PCDH15: variants seen among roughly 807,000 people sequenced by gnomAD.
The protein encoded by PCDH15 is protocadherin-15.
Under a neutral mutation model 178.5 loss-of-function variants are expected in PCDH15, and 129 were observed. The observed-to-expected ratio is 0.72, with a 90% CI of 0.63 to 0.84. The LOEUF is 0.84. Among genes scored for constraint, PCDH15 ranks in the 40% least tolerant of loss-of-function variants. PCDH15 has a pLI of 0.00. For missense variants in PCDH15, 2,230 were observed against 2,099.9 expected (o/e 1.06, Z -1.21); for synonymous variants, 800 against 732.0 (o/e 1.09, Z -1.50).
At chr10:53,912,835 A>G (rs1240081274) in intron 25 of PCDH15, among the ~76,000 whole-genome samples, 2 of 152,244 alleles carry the variant, frequency 1.3e-5, no homozygotes, top group Non-Finnish European at 2.9e-5. Flanking sequence ...ATGGATAGGA[A>G]GAATCAATAT....
At chr10:55,429,557 C>G (rs1352318945) in intron 2 of PCDH15, among the ~76,000 whole-genome samples, 1 of 152,062 alleles carries the variant, frequency 6.6e-6, no homozygotes, top group Non-Finnish European at 1.5e-5. Flanking sequence ...ATTTTCATAT[C>G]ATGAACAGAA....
intron 3 of PCDH15, among the ~76,000 whole-genome samples, chr10:54,408,968 C>G (rs565665776): frequency 9.2e-5 from 14 of 152,142 alleles, no homozygotes; most frequent in Non-Finnish European, 5.9e-5. Context: ...CCATAATTCC[C>G]TCATGTTGTG....
intron 2 of PCDH15, among the ~76,000 whole-genome samples, chr10:55,560,003 G>C (rs569238031): frequency 6.6e-6 from 1 of 151,902 alleles, no homozygotes; most frequent in Admixed American, 6.6e-5. Flanking sequence ...AACACTGTAG[G>C]CCATTAAGGA....
chr10:54,902,243 G>A (rs557222065), intron 2 of PCDH15, among the ~76,000 whole-genome samples: 38 of 152,214 alleles, frequency 2.5e-4, no homozygotes, highest in Admixed American at 3.9e-4. Context: ...GTGGATGCAC[G>A]TGTCACTATC....
chr10:55,362,791 C>T (rs1845261311), intron 2 of PCDH15, among the ~76,000 whole-genome samples: 1 of 152,102 alleles, frequency 6.6e-6, no homozygotes, highest in African/African-American at 2.4e-5. Context: ...TACTTCCTTG[C>T]TCCCCTTCCT....
chr10:55,408,278 C>T (rs979865930), intron 2 of PCDH15, among the ~76,000 whole-genome samples: 6 of 151,574 alleles, frequency 4.0e-5, no homozygotes, highest in Non-Finnish European at 8.8e-5. Context: ...CTCTGTCTCC[C>T]GGGTTCAAGC....
intron 2 of PCDH15, among the ~76,000 whole-genome samples, chr10:55,080,589 G>A (rs924948310): frequency 3.3e-5 from 5 of 152,096 alleles, no homozygotes; most frequent in African/African-American, 1.2e-4. Context: ...GGCTGCTGCA[G>A]TAATTGCAGC....
chr10:54,516,964 T>C (rs1589832341), intron 3 of PCDH15, among the ~76,000 whole-genome samples: 1 of 151,830 alleles, frequency 6.6e-6, no homozygotes, highest in Non-Finnish European at 1.5e-5. Flanking sequence ...CAAACTAAGC[T>C]TCATAAGTGA....
intron 2 of PCDH15, among the ~76,000 whole-genome samples, chr10:55,462,318 T>C (rs939018385): frequency 8.5e-5 from 13 of 152,136 alleles, no homozygotes; most frequent in Admixed American, 8.5e-4. Flanking sequence ...TTTGGTCAAA[T>C]AAACCACAGG....
intron 2 of PCDH15, among the ~76,000 whole-genome samples, chr10:54,594,545 C>T (rs2092095796): frequency 6.6e-6 from 1 of 152,114 alleles, no homozygotes; most frequent in African/African-American, 2.4e-5. Context: ...GAGAGTGCTC[C>T]AGAAGAGCAA....
chr10:55,440,019 T>TAA (rs1839141552), intron 2 of PCDH15, among the ~76,000 whole-genome samples: 1 of 152,182 alleles, frequency 6.6e-6, no homozygotes, highest in Non-Finnish European at 1.5e-5. Flanking sequence ...TTAGCTCACT[T>TAA]ATTAAAAACA....
At chr10:53,972,377 T>G (rs978767581) in intron 21 of PCDH15, among the ~76,000 whole-genome samples, 1 of 152,146 alleles carries the variant, frequency 6.6e-6, no homozygotes, top group African/African-American at 2.4e-5. Flanking sequence ...CATAGGCATG[T>G]GCAAAGGCTT....
At chr10:54,337,342 G>A (rs1208326459) in intron 6 of PCDH15, among the ~76,000 whole-genome samples, 2 of 151,986 alleles carry the variant, frequency 1.3e-5, no homozygotes, top group Admixed American at 6.6e-5. Context: ...GAGGTGCCAG[G>A]TGTAGAGTAA....
intron 3 of PCDH15, among the ~76,000 whole-genome samples, chr10:54,513,237 TTTTGTTTATTTATTTA>T (rs2081883740): frequency 7.1e-6 from 1 of 141,260 alleles, no homozygotes; most frequent in African/African-American, 2.6e-5. Context: ...TTTCATTTAT[TTTTGTTTATTTATTTA>T]TTTATTTATT....
intron 2 of PCDH15, among the ~76,000 whole-genome samples, chr10:55,568,369 G>A (rs2132106879): frequency 6.6e-6 from 1 of 152,028 alleles, no homozygotes; most frequent in African/African-American, 2.4e-5. Flanking sequence ...AAAATCCTCA[G>A]AACAGACAGT....
At chr10:54,855,708 A>T (rs1026732029) in intron 3 of PCDH15, among the ~76,000 whole-genome samples, 1 of 152,144 alleles carries the variant, frequency 6.6e-6, no homozygotes, top group African/African-American at 2.4e-5. Context: ...CTAGGAATTA[A>T]TTTTTTACTC....
intron 3 of PCDH15, among the ~76,000 whole-genome samples, chr10:54,383,564 C>T (rs1949506943): frequency 1.3e-5 from 2 of 151,134 alleles, no homozygotes; most frequent in Non-Finnish European, 2.9e-5. Context: ...TTATTATTTT[C>T]AGGCCATCAA....
At chr10:54,606,660 T>C (rs2092755038) in intron 2 of PCDH15, 1 of 152,118 alleles carries the variant, frequency 6.6e-6, no homozygotes, top group Non-Finnish European at 1.5e-5. Context: ...AAAATTAGTA[T>C]TGTCCTCAAC....
intron 2 of PCDH15, among the ~76,000 whole-genome samples, chr10:55,440,442 T>C (rs1839153920): frequency 6.6e-6 from 1 of 152,084 alleles, no homozygotes; most frequent in African/African-American, 2.4e-5. Flanking sequence ...GATATATAAC[T>C]AACAATTCAG....
Sources: allele counts gnomAD v4.1 joint callset (sites outside exome capture counted in the v4.1 genomes callset), GRCh38; gene constraint gnomAD v4.1.1; transcripts MANE v1.5; gene names NCBI Gene and HGNC (gene_info 2026-07-23, HGNC 2026-07-21).